SPTBN4: variants seen among roughly 807,000 people sequenced by gnomAD.
SPTBN4 encodes spectrin beta chain, non-erythrocytic 4.
A neutral mutation model predicts 277.8 loss-of-function variants in SPTBN4; 96 were observed. The observed-to-expected ratio is 0.35, with a 90% confidence interval of 0.29 to 0.41. The LOEUF is 0.41. SPTBN4 is among the 10% of genes least tolerant of loss of function. The pLI is 1.00. For synonymous variants in SPTBN4, 1,481 were observed against 1,580.3 expected (o/e 0.94, Z 1.49); for missense variants, 3,006 against 3,595.7 (o/e 0.84, Z 4.19).
In SPTBN4 at chr19:40,490,158, G is replaced by A; in HGVS notation, c.405G>A (p.Val135=). 6.2e-7 allele frequency: 1 copy of A among 1,614,250 alleles called. No individual in the cohort carries two copies. The highest frequency in any genetic ancestry group is 8.5e-7 in the Non-Finnish European group (1 of 1,180,040). ...TGCAGTTTCTGAAGGAGCAGCGCGT[G>A]CACCTGGAGAACGTGGGTTCGCATG... ...KALQFLKEQR[V]HLENVGSHDI... Residue 135 remains valine, a synonymous_variant, in exon 4 of 36, where the codon GTG becomes GTA. Transcript: ENST00000598249. The surrounding 1 kb of genome is among the most constrained non-coding windows in gnomAD (Gnocchi z 4.3).
Position 40,535,782 on chromosome 19 carries a change from A to C in SPTBN4, c.4359+1439A>C, listed in dbSNP as rs559211622. On this transcript the variant is annotated intron_variant, in intron 20 of 35. Coordinates refer to ENST00000598249, the MANE Select transcript of SPTBN4 (RefSeq NM_020971.3). ...CTCATCTCTACTAAAAACACACACA[A>C]AAAAATTAGCTGGGCATGGTGGTGC... is the stretch of plus-strand genomic sequence containing the variant. Among the ~76,000 whole-genome samples the C allele has an allele frequency of 2.2e-3, 334 of 151,958 alleles. 1 individual carries two copies. Among genetic ancestry groups the C allele is most frequent in the African/African-American group, 7.6e-3 (315 of 41,444 alleles).
At chr19:40,487,588 G>T (rs983504588) in intron 2 of SPTBN4, 109 bp from the exon 3 acceptor site, 7 of 1,380,060 alleles carry the variant, frequency 5.1e-6, no homozygotes, top group South Asian at 1.5e-5. Flanking sequence ...CAGGTGATCC[G>T]CCTGTGAGGC....
intron 20 of SPTBN4, among the ~76,000 whole-genome samples, chr19:40,543,964 A>G (rs796996488): frequency 5.1e-4 from 77 of 152,328 alleles, no homozygotes; most frequent in African/African-American, 1.8e-3. Flanking sequence ...TGGGAAAATT[A>G]TCGCCTTCAT....
At chr19:40,556,996 A>AC (rs34510741) in intron 25 of SPTBN4, 27 bp from the exon 26 acceptor site, 72,774 of 1,346,206 alleles carry the variant, frequency 0.054, 494 homozygotes, top group African/African-American at 0.093. Context: ...ACTTTGCTGT[A>AC]CCCCCCCCCC....
chr19:40,550,696 G>A (rs974802475), intron 22 of SPTBN4, among the ~76,000 whole-genome samples: 3 of 151,152 alleles, frequency 2.0e-5, no homozygotes, highest in Admixed American at 1.3e-4. Flanking sequence ...AGAGATGGAC[G>A]GCGGGGGGTG....
chr19:40,497,443 G>A (rs370811500), intron 6 of SPTBN4, 46 bp from the exon 7 acceptor site: 1 of 1,473,612 alleles, frequency 6.8e-7, no homozygotes, highest in Middle Eastern at 1.7e-4. Flanking sequence ...TTGCCCGCCG[G>A]CTCTGGAGCC....
chr19:40,528,999 C>G (rs1456842053), intron 17 of SPTBN4, 42 bp from the exon 18 acceptor site: 1 of 1,558,620 alleles, frequency 6.4e-7, no homozygotes, highest in African/African-American at 1.4e-5. Flanking sequence ...CCGCACCCCC[C>G]AACCCGGGGC....
intron 30 of SPTBN4, 65 bp downstream of exon 30, chr19:40,566,424 A>T: frequency 7.3e-7 from 1 of 1,378,660 alleles, no homozygotes; most frequent in African/African-American, 1.5e-5. Flanking sequence ...CCATGGCTCT[A>T]TATGAGACAG....
At chr19:40,574,809 G>A (rs1568384720) in intron 35 of SPTBN4, among the ~76,000 whole-genome samples, 1 of 152,106 alleles carries the variant, frequency 6.6e-6, no homozygotes, top group African/African-American at 2.4e-5. Flanking sequence ...GAGGTCAGAA[G>A]TTCAAGACCA....
At chr19:40,539,224 C>T (rs551746966) in intron 20 of SPTBN4, among the ~76,000 whole-genome samples, 5 of 152,356 alleles carry the variant, frequency 3.3e-5, no homozygotes, top group African/African-American at 1.2e-4. Flanking sequence ...ACTTGGGACT[C>T]CAGCAGGTCT....
In SPTBN4 at chr19:40,569,723, T is replaced by G; in HGVS notation, c.7023T>G (p.Ala2341=). 1 of 1,610,450 alleles carries G rather than the reference T, an allele frequency of 6.2e-7. No homozygotes were observed. The stretch of plus-strand genomic sequence containing the variant: ...AAGAGGCAGGCCCAGGGCTGCCTGC[T>G]GGGGTAAGTTGAGCCTCGGATGGGT... ...QEKEAGPGLP[A]GPSLPQPREL... The change falls in exon 32 of 36, where the codon GCT becomes GCG. Residue 2341 remains alanine, a synonymous_variant. Transcript: ENST00000598249.
At chr19:40,553,262 T>C (rs948775682) in intron 22 of SPTBN4, among the ~76,000 whole-genome samples, 11 of 152,210 alleles carry the variant, frequency 7.2e-5, no homozygotes, top group African/African-American at 2.7e-4. Flanking sequence ...GGAGGATCGC[T>C]TGAGGCCAGG....
intron 5 of SPTBN4, among the ~76,000 whole-genome samples, chr19:40,494,033 G>A (rs983703397): frequency 1.4e-4 from 22 of 152,204 alleles, no homozygotes; most frequent in Admixed American, 9.8e-4. Context: ...TGGTGGCGGG[G>A]TGGGGTGCAG....
intron 2 of SPTBN4, among the ~76,000 whole-genome samples, chr19:40,487,180 G>C (rs565271635): frequency 6.6e-6 from 1 of 151,402 alleles, no homozygotes; most frequent in African/African-American, 2.4e-5. Flanking sequence ...GGATTAACAG[G>C]CATGCACCAC....
Position 40,575,496 on chromosome 19 carries a change from C to G in SPTBN4, c.7622C>G (p.Thr2541Ser). Residue 2541 changes from threonine to serine, a missense_variant, in exon 36 of 36, where the codon ACT becomes AGT. Physicochemically the swap from Thr to Ser is moderately conservative, Grantham distance 58 (BLOSUM62 1). Transcript: ENST00000598249. The stretch of plus-strand genomic sequence containing the variant: ...GCCCGCTGGGGCCAGACACTACCCA[C>G]TACTTCATCCACAGATGAGGGCAAC... ...EIARWGQTLP[T>S]TSSTDEGNPK... 3 of 1,613,454 alleles carry G rather than the reference C, an allele frequency of 1.9e-6. No individual in the cohort carries two copies.
Position 40,550,088 on chromosome 19 carries a change from A to G in SPTBN4, c.4585-150A>G. ...GGATTCGATCCCATCTCAAAGAAAA[A>G]AAAAAAACAAAAAATGGAGGAGGCT... is the stretch of plus-strand genomic sequence containing the variant. On this transcript the variant is annotated intron_variant, in intron 21 of 35. Transcript: ENST00000598249. The G allele has an allele frequency of 4.8e-6, 3 of 621,052 alleles. No individual in the cohort carries two copies. In the South Asian group the frequency reaches 6.5e-5, roughly 13 times the overall value. 38.5% of individuals were successfully genotyped at this position (621,052 alleles called of 1,614,324 possible).
intron 13 of SPTBN4, among the ~76,000 whole-genome samples, chr19:40,507,197 C>T (rs572462421): frequency 3.3e-5 from 5 of 151,936 alleles, no homozygotes; most frequent in African/African-American, 1.2e-4. Context: ...CGCCTGTAGT[C>T]CCAGCCACTG....
At position 40,565,435 on chromosome 19, in the gene SPTBN4, A is replaced by C. The variant is rs1483815667; in HGVS notation, c.5928A>C (p.Ser1976=). The C allele has an allele frequency of 1.2e-6, 2 of 1,613,550 alleles. No individual in the cohort carries two copies. Among genetic ancestry groups the C allele is most frequent in the Admixed American group, 1.7e-5 (1 of 59,972 alleles). Residue 1976 remains serine, a synonymous_variant, in exon 28 of 36, where the codon TCA becomes TCC. Transcript: ENST00000598249. ...CCACCCACTGCAGGGACGTGTCATCAGTGGAGGTGCTCATGAACTACCACC... is the reference window on the plus strand; with the variant it reads ...CCACCCACTGCAGGGACGTGTCATCCGTGGAGGTGCTCATGAACTACCACC... The part of the protein sequence containing the change: ...GAADKPRDVS[S]VEVLMNYHQG...
At chr19:40,547,684 A>G (rs1184363088) in intron 20 of SPTBN4, among the ~76,000 whole-genome samples, 3 of 152,162 alleles carry the variant, frequency 2.0e-5, no homozygotes, top group Admixed American at 6.5e-5. Flanking sequence ...CATCCTCTCC[A>G]GCATCTGTTG....
Sources: allele counts gnomAD v4.1 joint callset (sites outside exome capture counted in the v4.1 genomes callset), GRCh38; gene constraint gnomAD v4.1.1; non-coding constraint Gnocchi (gnomAD v3.1); transcripts MANE v1.5; gene names NCBI Gene and HGNC (gene_info 2026-07-23, HGNC 2026-07-21).